ATG9A: variants seen among roughly 807,000 people sequenced by gnomAD.
The protein encoded by ATG9A is autophagy related 9A, also known as autophagy-related protein 9A.
Under a neutral mutation model 87.1 loss-of-function variants are expected in ATG9A, and 21 were observed. That is an observed-to-expected ratio of 0.24 (90% CI 0.17 to 0.35). The LOEUF is 0.35. Ranked by LOEUF, ATG9A falls within the 10% of genes least tolerant of loss-of-function variation. The pLI, the probability that ATG9A is intolerant of heterozygous loss-of-function variation, is 1.00. For synonymous variants in ATG9A, 422 were observed against 441.3 expected, an observed-to-expected ratio of 0.96 and a Z score of 0.55; for missense variants, 836 against 1,107.3, an observed-to-expected ratio of 0.76 and a Z score of 3.48.
intron 13 of ATG9A, among the ~76,000 whole-genome samples, chr2:219,221,651 A>G (rs755567777): frequency 1.3e-5 from 2 of 152,192 alleles, no homozygotes; most frequent in Non-Finnish European, 2.9e-5. Context: ...ATATACTGGT[A>G]GAGGAGATAT....
chr2:219,228,991 T>G lies in ATG9A; in HGVS notation c.-81-506A>C, dbSNP rs577052701. On this transcript the variant is annotated intron_variant, in intron 1 of 15. Transcript: ENST00000361242. ...TTCCCTAGGTCCTGTAAGCCAGGCA[T>G]GGTCGAGGTGGTACTCACCTGTCCG... 4 of 152,340 alleles carry G rather than the reference T, an allele frequency of 2.6e-5. No homozygotes were observed. The South Asian group carries it at 8.3e-4, about 32-fold the overall frequency. The allele number at this position is 152,340 out of a possible 1,614,324, so 9.4% of individuals were successfully genotyped here.
chr2:219,220,584 G>A, intron 15 of ATG9A, 132 bp from the exon 16 acceptor site: 2 of 1,497,570 alleles, frequency 1.3e-6, no homozygotes, highest in Non-Finnish European at 9.2e-7. Context: ...GAAAAACCAA[G>A]CCCTGCAGAG....
At chr2:219,220,935 C>G in intron 14 of ATG9A, 43 bp from the exon 15 acceptor site, 11 of 1,610,126 alleles carry the variant, frequency 6.8e-6, no homozygotes, top group Non-Finnish European at 9.3e-6. Flanking sequence ...AGAAGGAACA[C>G]AAGAATGAGG....
chr2:219,225,345 C>G, intron 6 of ATG9A, 66 bp downstream of exon 6: 1 of 1,597,194 alleles, frequency 6.3e-7, no homozygotes, highest in Non-Finnish European at 8.6e-7. Flanking sequence ...GCCTCAGACT[C>G]CACTCTATTA....
chr2:219,227,873 C>T, intron 3 of ATG9A, 49 bp downstream of exon 3: 1 of 1,612,706 alleles, frequency 6.2e-7, no homozygotes, highest in Non-Finnish European at 8.5e-7. Flanking sequence ...TTGCTCTCTC[C>T]ATGTTCTTCC....
Position 219,224,563 on chromosome 2 carries a change from T to C in ATG9A, c.808A>G (p.Lys270Glu), listed in dbSNP as rs368326447. Reference sequence around the variant, plus strand: ...TGCCCCCCACGTTTGTACTCGGCCTTGAGGCTCCATTCATTGAGAAACAGA... The same window carrying C: ...TGCCCCCCACGTTTGTACTCGGCCTCGAGGCTCCATTCATTGAGAAACAGA... ...GSLFLNEWSL[K>E]AEYKRGGQRL... The change falls in exon 8 of 16, where the codon AAG becomes GAG. Residue 270 changes from lysine to glutamate, a missense_variant. By Grantham distance (56) the Lys-to-Glu change is moderately conservative. Coordinates refer to ENST00000361242, the MANE Select transcript of ATG9A (RefSeq NM_001077198.3). The surrounding 1 kb of genome is among the most constrained non-coding windows in gnomAD (Gnocchi z 7.7). 6.2e-7 allele frequency: 1 copy of C among 1,614,052 alleles called. No homozygotes were observed. The highest frequency in any genetic ancestry group is 1.3e-5 in the African/African-American group (1 of 74,928).
chr2:219,225,653 G>A (rs1950846078), intron 5 of ATG9A, 81 bp from the exon 6 acceptor site: 1 of 1,484,934 alleles, frequency 6.7e-7, no homozygotes, highest in Non-Finnish European at 9.2e-7. Context: ...AGAGTCTGGA[G>A]GTGGCAGAAC....
chr2:219,222,134 G>A lies in ATG9A; in HGVS notation c.2061C>T (p.Ser687=). The A allele has an allele frequency of 6.2e-7, 1 of 1,613,950 alleles. No homozygotes were observed. The highest frequency in any genetic ancestry group is 8.5e-7 in the Non-Finnish European group (1 of 1,180,016). ...GGCTCTGCAGCTGTCCTTCCCACAC[G>A]CTGCTCCCGGAGCTGGCTGTCCTGG... ...VDARTASSGS[S]VWEGQLQSLV... Residue 687 remains serine, a synonymous_variant, in exon 13 of 16, where the codon AGC becomes AGT. Transcript: ENST00000361242. This position sits in a 1 kb window ranked among gnomAD's most constrained non-coding sequence, Gnocchi z 4.3.
intron 2 of ATG9A, 31 bp from the exon 3 acceptor site, chr2:219,228,084 T>G: frequency 6.7e-7 from 1 of 1,498,682 alleles, no homozygotes; most frequent in Non-Finnish European, 9.2e-7. Context: ...GAGACCCTGA[T>G]TCAGTTCCAG....
chr2:219,220,498 G>C (rs1950729153), intron 15 of ATG9A, 46 bp from the exon 16 acceptor site: 2 of 1,609,934 alleles, frequency 1.2e-6, no homozygotes, highest in African/African-American at 1.3e-5. Context: ...TCAGCTTCTG[G>C]TTGATACCTG....
At chr2:219,228,197 CAAGAAAGGCAGT>C in intron 2 of ATG9A, 144 bp from the exon 3 acceptor site, 1 of 600,342 alleles carries the variant, frequency 1.7e-6, no homozygotes, top group Non-Finnish European at 2.9e-6. Flanking sequence ...AGTAGTGACA[CAAGAAAGGCAGT>C]AAGCTCAGGG....
At position 219,223,560 on chromosome 2, in the gene ATG9A, A is replaced by AC; in HGVS notation, c.1599+24dup. The AC allele has an allele frequency of 1.9e-6, 3 of 1,573,244 alleles. No homozygotes were observed. The South Asian group carries it at 3.5e-5, about 18-fold the overall frequency. On this transcript the variant is annotated intron_variant, in intron 10 of 15. Transcript: ENST00000361242. The surrounding 1 kb of genome is among the most constrained non-coding windows in gnomAD (Gnocchi z 4.7). ...GTATGTTCCAGCATCATCCCAGGCCACCTGGCTCCCTCCTCTCCCAGTACC... is the reference window on the plus strand; with the variant it reads ...GTATGTTCCAGCATCATCCCAGGCCACCCTGGCTCCCTCCTCTCCCAGTACC...
chr2:219,225,814 C>CA (rs1950849033), intron 5 of ATG9A, among the ~76,000 whole-genome samples: 1 of 152,340 alleles, frequency 6.6e-6, no homozygotes, highest in Admixed American at 6.5e-5. Context: ...CCTCAGCCAC[C>CA]ACTACTGGAC....
chr2:219,226,360 T>G (rs1380189674), intron 5 of ATG9A, among the ~76,000 whole-genome samples: 1 of 152,196 alleles, frequency 6.6e-6, no homozygotes, highest in Non-Finnish European at 1.5e-5. Context: ...GTTCTTTTCA[T>G]GGAAGAGATA....
rs1283641601 is a variant in ATG9A at position 219,229,388 on chromosome 2, T to C, written c.-82+147A>G. 1.3e-5 allele frequency: 2 copies of C among 150,994 alleles called. No individual in the cohort carries two copies. Among genetic ancestry groups the C allele is most frequent in the Non-Finnish European group, 3.0e-5 (2 of 67,580 alleles). The allele number at this position is 150,994 out of a possible 1,614,324, so 9.4% of individuals were successfully genotyped here. A position where few individuals can be genotyped will look rare whatever the true frequency, so the allele number is the denominator to read the frequency against. The stretch of plus-strand genomic sequence containing the variant: ...CGCCCCCGTCTGCGCGCGCCAGCAA[T>C]CAAAACATTCCGGCTGCGCGCCCCC... On this transcript the variant is annotated intron_variant, in intron 1 of 15. Transcript: ENST00000361242. This position sits in a 1 kb window ranked among gnomAD's most constrained non-coding sequence, Gnocchi z 4.2.
In ATG9A at chr2:219,222,469, G is replaced by C. The variant is rs1233942722; in HGVS notation, c.1849-19C>G. The C allele has an allele frequency of 6.5e-7, 1 of 1,545,418 alleles. No individual in the cohort carries two copies. Among genetic ancestry groups the C allele is most frequent in the East Asian group, 2.3e-5 (1 of 44,302 alleles). On this transcript the variant is annotated intron_variant, in intron 11 of 15. Coordinates refer to ENST00000361242, the MANE Select transcript of ATG9A (RefSeq NM_001077198.3). The surrounding 1 kb of genome is among the most constrained non-coding windows in gnomAD (Gnocchi z 4.3). ...TCAGGGGCTATGAACGAAACGGGTA[G>C]GTAGAATTCTTGAGGCAAGAGAAAG... is the stretch of plus-strand genomic sequence containing the variant.
In ATG9A at chr2:219,222,522, T is replaced by G; in HGVS notation, c.1849-72A>C. ...CTCTGGGGTCCCCTAGTATTCTGTATCTCAGGCCCCAGTGGCACATACTGA... is the reference window on the plus strand; with the variant it reads ...CTCTGGGGTCCCCTAGTATTCTGTAGCTCAGGCCCCAGTGGCACATACTGA... On this transcript the variant is annotated intron_variant, in intron 11 of 15. Transcript: ENST00000361242. The surrounding 1 kb of genome is among the most constrained non-coding windows in gnomAD (Gnocchi z 4.3). The G allele has an allele frequency of 6.4e-7, 1 of 1,559,600 alleles. No individual in the cohort carries two copies. Among genetic ancestry groups the G allele is most frequent in the Admixed American group, 1.8e-5 (1 of 54,488 alleles).
In ATG9A at chr2:219,222,403, G is replaced by GCC. The variant is rs758274130; in HGVS notation, c.1894_1895dup (p.Pro633AlafsTer41). ...CCTGCAGGTCTCTGGGCAGTGGAGGGCCCCGGCAGGATGAGCCAGCTACCA... is the reference window on the plus strand; with the variant it reads ...CCTGCAGGTCTCTGGGCAGTGGAGGGCCCCCCGGCAGGATGAGCCAGCTACCA... On this transcript the variant is annotated frameshift_variant, in exon 12 of 16. Coordinates refer to ENST00000361242, the MANE Select transcript of ATG9A (RefSeq NM_001077198.3). LOFTEE classifies it high-confidence loss of function. The surrounding 1 kb of genome is among the most constrained non-coding windows in gnomAD (Gnocchi z 4.3). The GCC allele has an allele frequency of 6.3e-7, 1 of 1,589,374 alleles. No homozygotes were observed. The highest frequency in any genetic ancestry group is 1.4e-5 in the African/African-American group (1 of 73,956).
chr2:219,226,649 C>T (rs1334887595), intron 5 of ATG9A, among the ~76,000 whole-genome samples: 1 of 152,114 alleles, frequency 6.6e-6, no homozygotes, highest in Non-Finnish European at 1.5e-5. Flanking sequence ...GACCACTGCA[C>T]TCCTGCCTGG....
Sources: allele counts gnomAD v4.1 joint callset (sites outside exome capture counted in the v4.1 genomes callset), GRCh38; gene constraint gnomAD v4.1.1; non-coding constraint Gnocchi (gnomAD v3.1); transcripts MANE v1.5; gene names NCBI Gene and HGNC (gene_info 2026-07-23, HGNC 2026-07-21).